The following CDH13 variants were observed in gnomAD, a reference collection of about 807,000 sequenced individuals.
CDH13 encodes the protein cadherin-13.
In CDH13, 24 loss-of-function variants were observed where a neutral mutation model predicts 63.8. The observed-to-expected ratio is 0.38, with a 90% confidence interval of 0.27 to 0.53. The LOEUF (loss-of-function observed/expected upper bound fraction) is 0.53. CDH13 is among the 20% of genes least tolerant of loss of function. The pLI, the probability that CDH13 is intolerant of heterozygous loss-of-function variation, is 0.85. For synonymous variants in CDH13, 503 were observed against 355.3 expected, an observed-to-expected ratio of 1.42 and a Z score of -4.67; for missense variants, 1,049 against 903.1, an observed-to-expected ratio of 1.16 and a Z score of -2.07.
chr16:82,937,597 T>C (rs1426691242), intron 2 of CDH13, among the ~76,000 whole-genome samples: 7 of 152,214 alleles, frequency 4.6e-5, no homozygotes, highest in Non-Finnish European at 8.8e-5. Flanking sequence ...TGAATAAACA[T>C]GTATATTATT....
chr16:83,223,150 A>G (rs1002349581), intron 5 of CDH13, among the ~76,000 whole-genome samples: 2 of 152,226 alleles, frequency 1.3e-5, no homozygotes, highest in Non-Finnish European at 2.9e-5. Context: ...GGGTATTTAT[A>G]AAGAAGAGAA....
chr16:83,022,759 T>C (rs920782562), intron 2 of CDH13, among the ~76,000 whole-genome samples: 42 of 152,220 alleles, frequency 2.8e-4, no homozygotes, highest in Admixed American at 2.0e-4. Flanking sequence ...CCACAACTTA[T>C]GTGCAGACAC....
intron 6 of CDH13, among the ~76,000 whole-genome samples, chr16:83,374,191 G>A (rs1267049063): frequency 6.6e-6 from 1 of 152,154 alleles, no homozygotes; most frequent in South Asian, 2.1e-4. Context: ...CAACCCCTTA[G>A]CCTGCAAACT....
intron 1 of CDH13, among the ~76,000 whole-genome samples, chr16:82,810,746 G>A (rs898204062): frequency 2.0e-5 from 3 of 152,098 alleles, no homozygotes; most frequent in African/African-American, 7.2e-5. Flanking sequence ...CGTGTGAAGA[G>A]CATAAGAGGG....
intron 5 of CDH13, among the ~76,000 whole-genome samples, chr16:83,246,818 T>C (rs982865307): frequency 5.3e-5 from 8 of 152,212 alleles, no homozygotes; most frequent in African/African-American, 4.8e-5. Flanking sequence ...AGTTGGGACA[T>C]TGCCGTCTGT....
intron 10 of CDH13, among the ~76,000 whole-genome samples, chr16:83,739,361 G>C (rs1392848328): frequency 6.6e-6 from 1 of 152,180 alleles, no homozygotes; most frequent in Non-Finnish European, 1.5e-5. Context: ...CGTCCGGTGT[G>C]ACCCCACTGG....
chr16:82,813,443 T>C (rs1248347657), intron 1 of CDH13, among the ~76,000 whole-genome samples: 3 of 152,170 alleles, frequency 2.0e-5, no homozygotes, highest in Non-Finnish European at 4.4e-5. Flanking sequence ...TATTGACTGA[T>C]GTAGACTCTT....
intron 10 of CDH13, among the ~76,000 whole-genome samples, chr16:83,737,434 C>A (rs1911642014): frequency 6.6e-6 from 1 of 152,088 alleles, no homozygotes; most frequent in Admixed American, 6.5e-5. Flanking sequence ...TGATTTTAAA[C>A]CTTTCTCAAA....
At chr16:83,586,722 G>A (rs1410656842) in intron 7 of CDH13, among the ~76,000 whole-genome samples, 1 of 152,146 alleles carries the variant, frequency 6.6e-6, no homozygotes, top group Non-Finnish European at 1.5e-5. Flanking sequence ...AAATAATGCT[G>A]AAGAAAGGTG....
chr16:82,995,497 A>G (rs1279176858), intron 2 of CDH13, among the ~76,000 whole-genome samples: 1 of 152,198 alleles, frequency 6.6e-6, no homozygotes, highest in African/African-American at 2.4e-5. Flanking sequence ...GAAAAGGGTA[A>G]CATGGAAGAG....
At chr16:83,792,509 A>G (rs562494850) in intron 13 of CDH13, among the ~76,000 whole-genome samples, 4 of 152,290 alleles carry the variant, frequency 2.6e-5, no homozygotes, top group African/African-American at 9.6e-5. Flanking sequence ...GCCTCCCAGG[A>G]GACAGTTGAA....
Position 83,164,459 on chromosome 16 carries a change from C to A in CDH13, c.483+38958C>A, listed in dbSNP as rs149412704. Among the ~76,000 whole-genome samples the A allele has an allele frequency of 4.5e-3, 678 of 152,110 alleles. 8 individuals are homozygous for A. Among genetic ancestry groups the A allele is most frequent in the African/African-American group, 0.016 (653 of 41,516 alleles). ...AGTGTCTAAGCAGGTGATTTTGATTCCTTCAAGTCTGTTTCAGAAATGTCT... is the reference window on the plus strand; with the variant it reads ...AGTGTCTAAGCAGGTGATTTTGATTACTTCAAGTCTGTTTCAGAAATGTCT... On this transcript the variant is annotated intron_variant, in intron 4 of 13. Transcript: ENST00000567109.
At chr16:83,610,570 A>T (rs1908767496) in intron 8 of CDH13, among the ~76,000 whole-genome samples, 1 of 151,934 alleles carries the variant, frequency 6.6e-6, no homozygotes, top group African/African-American at 2.4e-5. Flanking sequence ...TTTTTTTCCT[A>T]TTTTTACCTT....
chr16:83,547,652 A>G (rs1283200403), intron 7 of CDH13, among the ~76,000 whole-genome samples: 1 of 152,332 alleles, frequency 6.6e-6, no homozygotes, highest in African/African-American at 2.4e-5. Flanking sequence ...ATGGCTGCAT[A>G]GTATTCCATG....
intron 2 of CDH13, among the ~76,000 whole-genome samples, chr16:82,883,035 G>C (rs747856949): frequency 2.0e-5 from 3 of 152,100 alleles, no homozygotes; most frequent in Non-Finnish European, 2.9e-5. Flanking sequence ...AATTATCTGG[G>C]TTTTATTATC....
intron 6 of CDH13, among the ~76,000 whole-genome samples, chr16:83,368,104 C>A (rs1363934051): frequency 6.6e-6 from 1 of 152,078 alleles, no homozygotes; most frequent in South Asian, 2.1e-4. Flanking sequence ...TCAATTGATT[C>A]TTGTATACTG....
At chr16:83,645,603 C>T (rs374052328) in intron 8 of CDH13, among the ~76,000 whole-genome samples, 6 of 152,010 alleles carry the variant, frequency 3.9e-5, no homozygotes, top group Non-Finnish European at 5.9e-5. Context: ...CCCAACCTCC[C>T]GCACCCTCAG....
At chr16:82,756,315 T>G (rs934079046) in intron 1 of CDH13, among the ~76,000 whole-genome samples, 1 of 152,130 alleles carries the variant, frequency 6.6e-6, no homozygotes, top group Admixed American at 6.5e-5. Context: ...ATCCTTCTGA[T>G]AGGGAAAGAA....
At chr16:83,118,467 G>A (rs562822626) in intron 3 of CDH13, among the ~76,000 whole-genome samples, 11 of 152,258 alleles carry the variant, frequency 7.2e-5, no homozygotes, top group African/African-American at 9.6e-5. Context: ...ACATCTGCAC[G>A]CGTCTAGTAA....
Sources: gnomAD v4.1 joint callset for allele counts (sites outside exome capture counted in the v4.1 genomes callset) on GRCh38, gnomAD v4.1.1 for gene constraint, MANE v1.5 for transcripts, NCBI Gene and HGNC (gene_info 2026-07-23, HGNC 2026-07-21) for gene names.